CSMD1: variants seen among roughly 807,000 people sequenced by gnomAD.
The protein encoded by CSMD1 is CUB and Sushi multiple domains 1, also known as CUB and sushi domain-containing protein 1.
A neutral mutation model predicts 417.5 loss-of-function variants in CSMD1; 213 were observed. The observed-to-expected ratio is 0.51, with a 90% confidence interval of 0.46 to 0.57. CSMD1 has a LOEUF of 0.57. Among genes scored for constraint, CSMD1 ranks in the 20% least tolerant of loss-of-function variants. CSMD1 has a pLI of 0.00. For missense variants in CSMD1, 6,923 were observed against 4,529.7 expected (o/e 1.53, Z -15.17); for synonymous variants, 2,862 against 1,736.8 (o/e 1.65, Z -16.11).
chr8:3,853,896 T>TAATATATTAATATATTAAAGTA (rs1218362436), intron 5 of CSMD1, among the ~76,000 whole-genome samples: 1 of 145,580 alleles, frequency 6.9e-6, no homozygotes, highest in Non-Finnish European at 1.5e-5. Context: ...ATATTATACT[T>TAATATATTAATATATTAAAGTA]TAATATATTA....
intron 18 of CSMD1, among the ~76,000 whole-genome samples, chr8:3,383,270 C>T (rs1213962932): frequency 6.6e-6 from 1 of 152,202 alleles, no homozygotes; most frequent in Non-Finnish European, 1.5e-5. Context: ...CAGTTTACTG[C>T]ATTTCAGTCA....
chr8:3,291,784 GATTC>G (rs1241311118), intron 25 of CSMD1, among the ~76,000 whole-genome samples: 1 of 151,048 alleles, frequency 6.6e-6, no homozygotes, highest in Non-Finnish European at 1.5e-5. Context: ...TCAGCTCCTG[GATTC>G]ATTGACTTTT....
In CSMD1 at chr8:4,902,271, C is replaced by T. The variant is rs1403958355; in HGVS notation, c.85+92061G>A. On this transcript the variant is annotated intron_variant, in intron 1 of 69. Transcript: ENST00000635120. The stretch of plus-strand genomic sequence containing the variant: ...AAAAAGACAAAACATCTCGCTCTAT[C>T]TATTAAAAAAAAAAAAAAATCCTGG... 4.4e-5 allele frequency among the ~76,000 whole-genome samples: 6 copies of T among 135,384 alleles called. No homozygotes were observed. The East Asian group carries it at 9.5e-4, about 22-fold the overall frequency. 88.8% of individuals were successfully genotyped at this position (135,384 alleles called of 152,430 possible).
chr8:4,708,444 A>G (rs1207734943), intron 1 of CSMD1, among the ~76,000 whole-genome samples: 1 of 152,226 alleles, frequency 6.6e-6, no homozygotes, highest in East Asian at 1.9e-4. Flanking sequence ...TTCACTAAAG[A>G]AACAAATATA....
At chr8:4,581,674 T>C (rs1226164540) in intron 2 of CSMD1, among the ~76,000 whole-genome samples, 1 of 152,244 alleles carries the variant, frequency 6.6e-6, no homozygotes, top group African/African-American at 2.4e-5. Flanking sequence ...AATCTGTCTA[T>C]GCTCCCAGTT....
intron 3 of CSMD1, among the ~76,000 whole-genome samples, chr8:4,397,159 C>T (rs1026438593): frequency 4.1e-4 from 63 of 152,206 alleles, no homozygotes; most frequent in African/African-American, 1.5e-3. Flanking sequence ...CTCATTTCTA[C>T]GTCCATGCAT....
chr8:4,354,185 C>A (rs1245417105), intron 3 of CSMD1, among the ~76,000 whole-genome samples: 3 of 152,102 alleles, frequency 2.0e-5, no homozygotes, highest in Admixed American at 6.6e-5. Flanking sequence ...ACAACATGTC[C>A]ACAAGCACAT....
intron 3 of CSMD1, among the ~76,000 whole-genome samples, chr8:4,181,475 C>T (rs1182841855): frequency 6.6e-6 from 1 of 151,950 alleles, no homozygotes; most frequent in Non-Finnish European, 1.5e-5. Context: ...AATACACTAA[C>T]ACTAACGATA....
intron 5 of CSMD1, among the ~76,000 whole-genome samples, chr8:3,761,095 G>C (rs1012805286): frequency 1.3e-5 from 2 of 152,052 alleles, no homozygotes; most frequent in South Asian, 2.1e-4. Context: ...TTTTGAATTG[G>C]CTGTTACTCA....
intron 3 of CSMD1, among the ~76,000 whole-genome samples, chr8:4,095,407 A>C (rs1421488225): frequency 1.3e-5 from 2 of 152,150 alleles, no homozygotes; most frequent in African/African-American, 4.8e-5. Context: ...AAAAGAAAAA[A>C]AAATGACAAT....
At chr8:3,049,549 G>C (rs146518306) in intron 50 of CSMD1, among the ~76,000 whole-genome samples, 100 of 152,206 alleles carry the variant, frequency 6.6e-4, no homozygotes, top group African/African-American at 2.2e-3. Context: ...GGAGATGAAA[G>C]ATCAAGGTCA....
intron 46 of CSMD1, among the ~76,000 whole-genome samples, chr8:3,100,508 T>C (rs1815660141): frequency 1.3e-5 from 2 of 152,224 alleles, no homozygotes; most frequent in African/African-American, 4.8e-5. Flanking sequence ...GAGATGTTTA[T>C]TTCTTAGCAG....
rs1177623348 is a variant in CSMD1, at chr8:4,469,529, C to A, written c.303-49464G>T. ...AGAACCAAACCTATTCCTTCCGGAG[C>A]CTTCCTCTTCTCAATTAACGGCAAA... On this transcript the variant is annotated intron_variant, in intron 2 of 69. Transcript: ENST00000635120. Among the ~76,000 whole-genome samples, 3 of 152,236 alleles carry A rather than the reference C, an allele frequency of 2.0e-5. No homozygotes were observed. In the East Asian group the frequency reaches 5.8e-4, roughly 29 times the overall value.
chr8:3,826,946 T>G (rs957681257), intron 5 of CSMD1, among the ~76,000 whole-genome samples: 1 of 152,028 alleles, frequency 6.6e-6, no homozygotes, highest in Non-Finnish European at 1.5e-5. Flanking sequence ...GCCTAGCTAT[T>G]TTTTTAAATA....
At chr8:3,845,002 G>T (rs959882292) in intron 5 of CSMD1, among the ~76,000 whole-genome samples, 1 of 152,122 alleles carries the variant, frequency 6.6e-6, no homozygotes, top group African/African-American at 2.4e-5. Flanking sequence ...AACTTTAAAA[G>T]TTAACAAAGG....
chr8:3,846,792 G>A (rs536050934), intron 5 of CSMD1, among the ~76,000 whole-genome samples: 1 of 152,048 alleles, frequency 6.6e-6, no homozygotes, highest in Non-Finnish European at 1.5e-5. Flanking sequence ...TCCTGTCTCA[G>A]CCTCCCAAGT....
At chr8:4,834,227 G>T (rs1046376798) in intron 1 of CSMD1, among the ~76,000 whole-genome samples, 1 of 152,198 alleles carries the variant, frequency 6.6e-6, no homozygotes, top group East Asian at 1.9e-4. Context: ...ACGTGGTAAG[G>T]AGAGGGAAGA....
At chr8:3,374,146 G>T (rs1255476965) in intron 18 of CSMD1, among the ~76,000 whole-genome samples, 1 of 150,666 alleles carries the variant, frequency 6.6e-6, no homozygotes, top group Non-Finnish European at 1.5e-5. Flanking sequence ...TAGAGACGGG[G>T]TTTCACCTTG....
chr8:4,199,381 T>A (rs1444691381), intron 3 of CSMD1, among the ~76,000 whole-genome samples: 4 of 152,164 alleles, frequency 2.6e-5, no homozygotes, highest in Non-Finnish European at 5.9e-5. Context: ...AGATGCATAG[T>A]GTGGTGGAGT....
Sources: allele counts gnomAD v4.1 joint callset (sites outside exome capture counted in the v4.1 genomes callset), GRCh38; gene constraint gnomAD v4.1.1; transcripts MANE v1.5; gene names NCBI Gene and HGNC (gene_info 2026-07-23, HGNC 2026-07-21).